ATP8A2: variants seen among roughly 807,000 people sequenced by gnomAD.
ATP8A2 encodes ATPase phospholipid transporting 8A2.
Under a neutral mutation model 165.6 loss-of-function variants are expected in ATP8A2, and 100 were observed. The observed-to-expected ratio is 0.60, with a 90% CI of 0.51 to 0.71. ATP8A2 has a LOEUF of 0.71. Among genes scored for constraint, ATP8A2 ranks in the 30% least tolerant of loss-of-function variants. The pLI is 0.00. For synonymous variants in ATP8A2, 543 were observed against 548.8 expected, an observed-to-expected ratio of 0.99 and a Z score of 0.15; for missense variants, 1,227 against 1,479.5, an observed-to-expected ratio of 0.83 and a Z score of 2.80.
chr13:25,839,693 ATT>A (rs571388766), intron 30 of ATP8A2, 69 bp downstream of exon 30: 4 of 1,339,330 alleles, frequency 3.0e-6, no homozygotes, highest in Non-Finnish European at 4.3e-6. Flanking sequence ...TGTGTTCACA[ATT>A]TTTTTTTCCA....
intron 1 of ATP8A2, among the ~76,000 whole-genome samples, chr13:25,383,840 A>G (rs1224025315): frequency 1.3e-5 from 2 of 152,000 alleles, no homozygotes; most frequent in Non-Finnish European, 2.9e-5. Context: ...TTTACTCCCT[A>G]CCCCTGACTC....
At chr13:25,670,143 A>G (rs1288858298) in intron 24 of ATP8A2, among the ~76,000 whole-genome samples, 1 of 152,174 alleles carries the variant, frequency 6.6e-6, no homozygotes, top group African/African-American at 2.4e-5. Flanking sequence ...AGAGTTCTGA[A>G]AAAGCTGGTT....
At position 25,533,284 on chromosome 13, in the gene ATP8A2, G is replaced by A. The variant is rs779268827; in HGVS notation, c.478G>A (p.Gly160Ser). Residue 160 changes from glycine to serine, a missense_variant, in exon 6 of 37, where the codon GGT (glycine) becomes AGT (serine). Physicochemically the swap from Gly to Ser is moderately conservative, Grantham distance 56. This residue lies in a region of ATP8A2 where 356 missense variants were observed against 394.9 expected (regional missense o/e 0.90). Transcript: ENST00000381655. Reference sequence around the variant, plus strand: ...TTTCTCTTTTTCAGTGTTAAGAAATGGTATGTGGCATACCATTATGTGGAA... The same window carrying A: ...TTTCTCTTTTTCAGTGTTAAGAAATAGTATGTGGCATACCATTATGTGGAA... ...NKKKTIVLRN[G>S]MWHTIMWKEV... 4.6e-6 allele frequency: 7 copies of A among 1,508,442 alleles called. No homozygotes were observed. In the South Asian group the frequency reaches 8.1e-5, roughly 17 times the overall value. The allele number at this position is 1,508,442 out of a possible 1,614,324, so 93.4% of individuals were successfully genotyped here.
chr13:25,372,325 C>CGGGGCG lies in ATP8A2; in HGVS notation c.76+45_76+50dup. On this transcript the variant is annotated intron_variant, in intron 1 of 36. Transcript: ENST00000381655. The surrounding 1 kb of genome is among the most constrained non-coding windows in gnomAD (Gnocchi z 4.8). ...GGGGCGCGGCGAGGGAGGGTGGGCCCGGGGCGGGGGCGGCGCGGGGCGCGC... is the reference window on the plus strand; with the variant it reads ...GGGGCGCGGCGAGGGAGGGTGGGCCCGGGGCGGGGGCGGGGGCGGCGCGGGGCGCGC... 2.2e-6 allele frequency: 1 copy of CGGGGCG among 445,586 alleles called. No homozygotes were observed. Among genetic ancestry groups the CGGGGCG allele is most frequent in the Non-Finnish European group, 4.1e-6 (1 of 246,168 alleles). The allele number at this position is 445,586 out of a possible 1,614,324, so 27.6% of individuals were successfully genotyped here. A position where few individuals can be genotyped will look rare whatever the true frequency, so the allele number is the denominator to read the frequency against.
At chr13:25,723,597 T>C (rs2043430354) in intron 25 of ATP8A2, among the ~76,000 whole-genome samples, 1 of 152,220 alleles carries the variant, frequency 6.6e-6, no homozygotes, top group Non-Finnish European at 1.5e-5. Flanking sequence ...TTTAACTGCA[T>C]TGAAGCTGGA....
rs753170337 is a variant in ATP8A2 at position 25,968,684 on chromosome 13, G to T, written c.3377+5G>T. On this transcript the variant is annotated splice_donor_5th_base_variant and intron_variant, in intron 35 of 36. Transcript: ENST00000381655. ...GCGGGATAGCAATGGAAAGAGGTGG[G>T]GAACTCCGTCCCAGTCCGCACAGAA... is the stretch of plus-strand genomic sequence containing the variant. 2 of 1,610,150 alleles carry T rather than the reference G, an allele frequency of 1.2e-6. No homozygotes were observed. The highest frequency in any genetic ancestry group is 4.5e-5 in the East Asian group (2 of 44,866).
Position 26,022,609 on chromosome 13 carries a change from T to G in ATP8A2, c.*2624T>G, listed in dbSNP as rs1957097661. 1 of 152,204 alleles carries G rather than the reference T, an allele frequency of 6.6e-6. No individual in the cohort carries two copies. The highest frequency in any genetic ancestry group is 1.5e-5 in the Non-Finnish European group (1 of 68,036). The allele number at this position is 152,204 out of a possible 1,614,324, so 9.4% of individuals were successfully genotyped here. On this transcript the variant is annotated 3_prime_UTR_variant, in exon 37 of 37. Coordinates refer to ENST00000381655, the MANE Select transcript of ATP8A2 (RefSeq NM_016529.6). Reference sequence around the variant, plus strand: ...CCAAATGACTAAATTGGCTGTAAATTGGTTTCTAGGAGGAGCAGCTGTCAC... The same window carrying G: ...CCAAATGACTAAATTGGCTGTAAATGGGTTTCTAGGAGGAGCAGCTGTCAC...
intron 33 of ATP8A2, among the ~76,000 whole-genome samples, chr13:25,949,469 A>G (rs1356334868): frequency 1.3e-5 from 2 of 152,242 alleles, no homozygotes; most frequent in African/African-American, 4.8e-5. Context: ...TACCTTTGCT[A>G]TGTCAGCACA....
At position 25,953,366 on chromosome 13, in the gene ATP8A2, G is replaced by A. The variant is rs118135818; in HGVS notation, c.3184-8209G>A. ...GGGGGATTAAATAAAATGCTTTATG[G>A]GAAGTTCTGGCACAGAGTGACGCAC... On this transcript the variant is annotated intron_variant, in intron 33 of 36. Coordinates refer to ENST00000381655, the MANE Select transcript of ATP8A2 (RefSeq NM_016529.6). This position sits in a 1 kb window ranked among gnomAD's most constrained non-coding sequence, Gnocchi z 6.7. Among the ~76,000 whole-genome samples the A allele has an allele frequency of 6.6e-6, 1 of 151,802 alleles. No individual in the cohort carries two copies. Among genetic ancestry groups the A allele is most frequent in the Admixed American group, 6.6e-5 (1 of 15,232 alleles).
At chr13:25,760,535 G>T (rs2138244002) in intron 25 of ATP8A2, among the ~76,000 whole-genome samples, 1 of 152,194 alleles carries the variant, frequency 6.6e-6, no homozygotes, top group African/African-American at 2.4e-5. Flanking sequence ...TAAGACACTA[G>T]CAAGATTTTT....
chr13:25,973,720 G>A (rs1164249996), intron 35 of ATP8A2, among the ~76,000 whole-genome samples: 1 of 152,126 alleles, frequency 6.6e-6, no homozygotes, highest in Non-Finnish European at 1.5e-5. Flanking sequence ...ACACCTCTAA[G>A]TCAAAATCAG....
chr13:25,921,164 C>T (rs1000765104), intron 33 of ATP8A2, among the ~76,000 whole-genome samples: 3 of 152,178 alleles, frequency 2.0e-5, no homozygotes, highest in African/African-American at 7.2e-5. Flanking sequence ...CTTTTCCTCA[C>T]TCCCATTGCG....
At chr13:25,584,200 G>T (rs187533248) in intron 23 of ATP8A2, among the ~76,000 whole-genome samples, 12 of 152,266 alleles carry the variant, frequency 7.9e-5, no homozygotes, top group Admixed American at 7.8e-4. Flanking sequence ...TAAAGTATCT[G>T]TCAAGCCTAC....
At chr13:25,596,400 A>G (rs569443105) in intron 24 of ATP8A2, among the ~76,000 whole-genome samples, 33 of 152,212 alleles carry the variant, frequency 2.2e-4, no homozygotes, top group South Asian at 1.7e-3. Flanking sequence ...TCACCACCCC[A>G]TTTAAAATAT....
intron 30 of ATP8A2, among the ~76,000 whole-genome samples, chr13:25,843,408 A>G (rs1464567532): frequency 6.6e-6 from 1 of 152,178 alleles, no homozygotes; most frequent in Non-Finnish European, 1.5e-5. Context: ...TCATATGTCA[A>G]AACCTCAAAC....
At chr13:25,470,860 CA>C (rs1262772327) in intron 2 of ATP8A2, among the ~76,000 whole-genome samples, 1 of 152,072 alleles carries the variant, frequency 6.6e-6, no homozygotes, top group Non-Finnish European at 1.5e-5. Context: ...AAGCCAGTCA[CA>C]AAAGGCCTCA....
chr13:25,581,989 T>A (rs141051732), intron 23 of ATP8A2, 32 bp downstream of exon 23: 6 of 1,579,504 alleles, frequency 3.8e-6, no homozygotes, highest in Non-Finnish European at 4.3e-6. Context: ...TTCCTGATGC[T>A]GGGTTTTGTA....
rs116298794 is a variant in ATP8A2 at position 25,580,356 on chromosome 13, T to C, written c.2007+409T>C. On this transcript the variant is annotated intron_variant, in intron 22 of 36. Coordinates refer to ENST00000381655, the MANE Select transcript of ATP8A2 (RefSeq NM_016529.6). ...AATGATATTTAAACTTTGCCGTTGC[T>C]ACTCCACATTGCCTACTTTGATTTT... Among the ~76,000 whole-genome samples the C allele has an allele frequency of 7.0e-3, 1,070 of 152,352 alleles. 16 individuals are homozygous for C. Among genetic ancestry groups the C allele is most frequent in the African/African-American group, 0.025 (1,035 of 41,570 alleles).
At chr13:25,445,384 C>G (rs922615123) in intron 1 of ATP8A2, among the ~76,000 whole-genome samples, 1 of 152,158 alleles carries the variant, frequency 6.6e-6, no homozygotes, top group Non-Finnish European at 1.5e-5. Context: ...ACCTGGCGTT[C>G]TCTTCGGAAA....
Sources: allele counts gnomAD v4.1 joint callset (sites outside exome capture counted in the v4.1 genomes callset), GRCh38; gene constraint gnomAD v4.1.1; regional missense constraint gnomAD v4.1.1; non-coding constraint Gnocchi (gnomAD v3.1); transcripts MANE v1.5; gene names NCBI Gene and HGNC (gene_info 2026-07-23, HGNC 2026-07-21).